SPTSSA: variants seen among roughly 807,000 people sequenced by gnomAD.
SPTSSA encodes the protein small subunit of serine palmitoyltransferase A.
Under a neutral mutation model 9.1 loss-of-function variants are expected in SPTSSA, and 8 were observed. The ratio of observed to expected loss-of-function variants is 0.88; its 90% confidence interval spans 0.51 to 1.58. SPTSSA has a LOEUF of 1.58. Among genes scored for constraint, SPTSSA ranks in the 40% most tolerant of loss-of-function variants. SPTSSA has a pLI of 0.00. For missense variants in SPTSSA, 100 were observed against 93.8 expected, an observed-to-expected ratio of 1.07 and a Z score of -0.27; for synonymous variants, 42 against 37.7, an observed-to-expected ratio of 1.11 and a Z score of -0.41.
intron 1 of SPTSSA, among the ~76,000 whole-genome samples, chr14:34,455,158 T>C (rs7156841): frequency 0.29 from 43,847 of 149,924 alleles, 8,176 homozygotes; most frequent in African/African-American, 0.54. Flanking sequence ...GAGGCCGAGG[T>C]GGGCGGATCA....
At chr14:34,456,937 C>T (rs1214296776) in intron 1 of SPTSSA, among the ~76,000 whole-genome samples, 1 of 143,838 alleles carries the variant, frequency 7.0e-6, no homozygotes, top group Non-Finnish European at 1.5e-5. Flanking sequence ...AAATAGCACA[C>T]TTCTGATTCA....
chr14:34,444,699 T>A (rs1289291853), intron 1 of SPTSSA, among the ~76,000 whole-genome samples: 8 of 147,312 alleles, frequency 5.4e-5, no homozygotes, highest in African/African-American at 1.8e-4. Flanking sequence ...TTGCAGTGAG[T>A]CGAGATCGCA....
intron 1 of SPTSSA, among the ~76,000 whole-genome samples, chr14:34,445,687 T>G (rs1369599583): frequency 6.6e-6 from 1 of 152,196 alleles, no homozygotes; most frequent in East Asian, 1.9e-4. Context: ...CAGGATTATT[T>G]GACATGTTTA....
At chr14:34,436,935 TAAAA>T (rs113399233) in intron 1 of SPTSSA, among the ~76,000 whole-genome samples, 6 of 144,196 alleles carry the variant, frequency 4.2e-5, no homozygotes, top group African/African-American at 1.5e-4. Context: ...CTAATTTCTT[TAAAA>T]AAAAAAAAAG....
At chr14:34,441,524 T>C (rs1257009465) in intron 1 of SPTSSA, among the ~76,000 whole-genome samples, 1 of 152,230 alleles carries the variant, frequency 6.6e-6, no homozygotes, top group Non-Finnish European at 1.5e-5. Flanking sequence ...CAATTCTTTG[T>C]TCATAACGCC....
intron 1 of SPTSSA, among the ~76,000 whole-genome samples, chr14:34,458,334 C>T (rs944068251): frequency 6.6e-6 from 1 of 151,472 alleles, no homozygotes; most frequent in Non-Finnish European, 1.5e-5. Context: ...CTGGCGTACA[C>T]TACTACACCC....
At chr14:34,440,025 A>G (rs929470112) in intron 1 of SPTSSA, among the ~76,000 whole-genome samples, 4 of 152,236 alleles carry the variant, frequency 2.6e-5, no homozygotes, top group Non-Finnish European at 5.9e-5. Context: ...ATTATTCCTT[A>G]ATGCTCATAA....
intron 1 of SPTSSA, among the ~76,000 whole-genome samples, chr14:34,455,397 A>G (rs1219259346): frequency 6.6e-6 from 1 of 152,068 alleles, no homozygotes; most frequent in Non-Finnish European, 1.5e-5. Context: ...AAAAAGAAAA[A>G]AAAAAGGAGT....
At chr14:34,448,091 C>T (rs1322138116) in intron 1 of SPTSSA, among the ~76,000 whole-genome samples, 1 of 152,020 alleles carries the variant, frequency 6.6e-6, no homozygotes, top group East Asian at 1.9e-4. Flanking sequence ...CCCATCTCTA[C>T]TAAAAATACA....
intron 1 of SPTSSA, among the ~76,000 whole-genome samples, chr14:34,455,139 G>A (rs990271512): frequency 6.6e-6 from 1 of 151,816 alleles, no homozygotes; most frequent in Non-Finnish European, 1.5e-5. Context: ...TGTAATCCCA[G>A]CATTTTGGGA....
intron 1 of SPTSSA, among the ~76,000 whole-genome samples, chr14:34,441,542 T>A (rs1238423797): frequency 6.6e-6 from 1 of 152,220 alleles, no homozygotes; most frequent in African/African-American, 2.4e-5. Flanking sequence ...GCCAAGAACC[T>A]GGACACCCTC....
At position 34,448,210 on chromosome 14, in the gene SPTSSA, G is replaced by A. The variant is rs761108276; in HGVS notation, c.113-12906C>T. On this transcript the variant is annotated intron_variant, in intron 1 of 1. Coordinates refer to ENST00000298130, the MANE Select transcript of SPTSSA (RefSeq NM_138288.4). ...GGTGGAGGTTGCAGTGAGCCAAGAC[G>A]ATGCCACTGCACTCCAGCCTGGGCA... is the stretch of plus-strand genomic sequence containing the variant. 2.6e-5 allele frequency among the ~76,000 whole-genome samples: 4 copies of A among 151,772 alleles called. No homozygotes were observed. In the South Asian group the frequency reaches 6.2e-4, roughly 24 times the overall value.
At chr14:34,458,878 G>A (rs1344678758) in intron 1 of SPTSSA, among the ~76,000 whole-genome samples, 5 of 148,890 alleles carry the variant, frequency 3.4e-5, no homozygotes, top group South Asian at 2.1e-4. Flanking sequence ...GTGATAGTAC[G>A]TTATCAATTT....
At chr14:34,449,995 A>G (rs1883492379) in intron 1 of SPTSSA, among the ~76,000 whole-genome samples, 1 of 152,220 alleles carries the variant, frequency 6.6e-6, no homozygotes, top group African/African-American at 2.4e-5. Flanking sequence ...GAAACAGTAC[A>G]GCACTGTAGG....
rs35173064 is a variant in SPTSSA at position 34,454,190 on chromosome 14, G to GA, written c.112+7905dup. Reference sequence around the variant, plus strand: ...ACAGAGCAAGACCCTGTTTTAGGGGGAAAAAAAAATCTATCTTAGCTCCTA... The same window carrying GA: ...ACAGAGCAAGACCCTGTTTTAGGGGGAAAAAAAAAATCTATCTTAGCTCCTA... On this transcript the variant is annotated intron_variant, in intron 1 of 1. Transcript: ENST00000298130. Among the ~76,000 whole-genome samples the GA allele has an allele frequency of 1.3e-3, 201 of 151,090 alleles. 1 individual carries two copies. The highest frequency in any genetic ancestry group is 6.8e-3 in the Middle Eastern group (2 of 294).
intron 1 of SPTSSA, among the ~76,000 whole-genome samples, chr14:34,460,590 C>A (rs1192303792): frequency 6.6e-6 from 1 of 152,068 alleles, no homozygotes; most frequent in Non-Finnish European, 1.5e-5. Flanking sequence ...GGTGTCAAAT[C>A]TATACTAGAT....
At chr14:34,443,502 G>C (rs1464592371) in intron 1 of SPTSSA, among the ~76,000 whole-genome samples, 1 of 8,722 alleles carries the variant, frequency 1.1e-4, no homozygotes, top group African/African-American at 5.5e-4. Context: ...TGCTTCTAGG[G>C]GAGGGTGTGT....
At chr14:34,454,785 C>CA (rs1318083377) in intron 1 of SPTSSA, among the ~76,000 whole-genome samples, 2 of 152,154 alleles carry the variant, frequency 1.3e-5, no homozygotes, top group African/African-American at 4.8e-5. Flanking sequence ...ACTTCCTAAT[C>CA]TTACAATTGT....
Position 34,433,550 on chromosome 14 carries a change from T to C in SPTSSA, c.*1651A>G, listed in dbSNP as rs1198792726. The C allele has an allele frequency of 6.6e-6, 1 of 152,214 alleles. No individual in the cohort carries two copies. The highest frequency in any genetic ancestry group is 1.5e-5 in the Non-Finnish European group (1 of 68,040). The allele number at this position is 152,214 out of a possible 1,614,324, so 9.4% of individuals were successfully genotyped here. A position where few individuals can be genotyped will look rare whatever the true frequency, so the allele number is the denominator to read the frequency against. On this transcript the variant is annotated 3_prime_UTR_variant, in exon 2 of 2. Coordinates refer to ENST00000298130, the MANE Select transcript of SPTSSA (RefSeq NM_138288.4). ...CCAAGTAATTCCATATTATTCTCAC[T>C]ACTCCTATCTAATTGTGGTATCAAT... is the stretch of plus-strand genomic sequence containing the variant.
Sources: allele counts gnomAD v4.1 joint callset (sites outside exome capture counted in the v4.1 genomes callset), GRCh38; gene constraint gnomAD v4.1.1; transcripts MANE v1.5; gene names NCBI Gene and HGNC (gene_info 2026-07-23, HGNC 2026-07-21).